CNBD1: variants seen among roughly 807,000 people sequenced by gnomAD.
CNBD1 encodes the protein cyclic nucleotide-binding domain-containing protein 1.
In CNBD1, 71 loss-of-function variants were observed where a neutral mutation model predicts 54.4. That is an observed-to-expected ratio of 1.30 (90% CI 1.08 to 1.59). CNBD1 has a LOEUF of 1.59. CNBD1 is among the 40% of genes most tolerant of loss of function. CNBD1 has a pLI of 0.00. For missense variants in CNBD1, 659 were observed against 518.0 expected (o/e 1.27, Z -2.64); for synonymous variants, 182 against 170.7 (o/e 1.07, Z -0.51).
At chr8:87,395,702 AATGCAACACAG>A (rs1357403937) in intron 2 of CNBD1, among the ~76,000 whole-genome samples, 1 of 151,870 alleles carries the variant, frequency 6.6e-6, no homozygotes, top group Non-Finnish European at 1.5e-5. Context: ...CATAGAGGTT[AATGCAACACAG>A]ATGATATGGT....
chr8:87,131,023 G>T (rs1353540703), intron 4 of CNBD1, among the ~76,000 whole-genome samples: 1 of 151,510 alleles, frequency 6.6e-6, no homozygotes, highest in African/African-American at 2.4e-5. Context: ...TTCTTACCCG[G>T]TTTACATAAT....
At chr8:87,321,565 A>T (rs992683455) in intron 8 of CNBD1, among the ~76,000 whole-genome samples, 5 of 152,078 alleles carry the variant, frequency 3.3e-5, no homozygotes, top group African/African-American at 1.2e-4. Flanking sequence ...TGAGTTATAG[A>T]TGTTCCTTAT....
At position 87,148,498 on chromosome 8, in the gene CNBD1, A is replaced by G. The variant is rs57223443; in HGVS notation, c.432-57495A>G. Reference sequence around the variant, plus strand: ...CAAATGGGTTAATGACTTTTCTGGCAAGATATAACTATGAAGAGGCAGAAT... The same window carrying G: ...CAAATGGGTTAATGACTTTTCTGGCGAGATATAACTATGAAGAGGCAGAAT... On this transcript the variant is annotated intron_variant, in intron 4 of 10. Coordinates refer to ENST00000518476, the MANE Select transcript of CNBD1 (RefSeq NM_173538.3). 4.8e-3 allele frequency among the ~76,000 whole-genome samples: 725 copies of G among 152,326 alleles called. 8 individuals carry two copies. Among genetic ancestry groups the G allele is most frequent in the African/African-American group, 0.017 (690 of 41,572 alleles).
intron 8 of CNBD1, among the ~76,000 whole-genome samples, chr8:87,335,592 G>C (rs182145719): frequency 6.6e-6 from 1 of 151,650 alleles, no homozygotes; most frequent in African/African-American, 2.4e-5. Flanking sequence ...TTGAGCCTAC[G>C]TGTGTCTTTG....
chr8:87,241,377 T>C (rs111303183), intron 6 of CNBD1, among the ~76,000 whole-genome samples: 12,166 of 150,126 alleles, frequency 0.081, 639 homozygotes, highest in African/African-American at 0.15. Context: ...TTCACGTCAT[T>C]CTCCTGCTTC....
chr8:87,221,896 T>C (rs1814346924), intron 5 of CNBD1, among the ~76,000 whole-genome samples: 1 of 152,156 alleles, frequency 6.6e-6, no homozygotes, highest in Non-Finnish European at 1.5e-5. Context: ...TATTGCATTA[T>C]TCTAAGCGAG....
At chr8:87,098,620 T>C (rs1811362860) in intron 4 of CNBD1, among the ~76,000 whole-genome samples, 1 of 151,982 alleles carries the variant, frequency 6.6e-6, no homozygotes. Context: ...GTTTGGACTA[T>C]ATCCAAAGAT....
intron 4 of CNBD1, among the ~76,000 whole-genome samples, chr8:86,986,743 A>G (rs1191127816): frequency 6.6e-6 from 1 of 152,154 alleles, no homozygotes. Flanking sequence ...ATAGCGAGTT[A>G]TTCCAGCACC....
chr8:86,984,988 C>T (rs1808574475), intron 4 of CNBD1, among the ~76,000 whole-genome samples: 1 of 151,940 alleles, frequency 6.6e-6, no homozygotes, highest in South Asian at 2.1e-4. Flanking sequence ...TGGCTGTGTC[C>T]CCATCCAAAT....
rs1813371162 is a variant in CNBD1, at chr8:87,182,309, A to C, written c.432-23684A>C. ...TCCAGTTTACCATTGATGGGTATTTAGGTTGATTCCATGTCTTTGCTACTG... is the reference window on the plus strand; with the variant it reads ...TCCAGTTTACCATTGATGGGTATTTCGGTTGATTCCATGTCTTTGCTACTG... On this transcript the variant is annotated intron_variant, in intron 4 of 10. Coordinates refer to ENST00000518476, the MANE Select transcript of CNBD1 (RefSeq NM_173538.3). This position sits in a 1 kb window ranked among gnomAD's most constrained non-coding sequence, Gnocchi z 4.1. Among the ~76,000 whole-genome samples, 1 of 152,030 alleles carries C rather than the reference A, an allele frequency of 6.6e-6. No homozygotes were observed. Among genetic ancestry groups the C allele is most frequent in the African/African-American group, 2.4e-5 (1 of 41,418 alleles).
chr8:86,909,036 G>T (rs546128034), intron 3 of CNBD1, among the ~76,000 whole-genome samples: 1 of 152,100 alleles, frequency 6.6e-6, no homozygotes, highest in Non-Finnish European at 1.5e-5. Context: ...GATTACAGGC[G>T]TGAGCCACTG....
chr8:87,177,870 A>G (rs1387347189), intron 4 of CNBD1, among the ~76,000 whole-genome samples: 1 of 152,224 alleles, frequency 6.6e-6, no homozygotes, highest in Non-Finnish European at 1.5e-5. Flanking sequence ...GAAGAAAGCT[A>G]TGAGGAGAAT....
chr8:86,953,814 C>G (rs1270831562), intron 4 of CNBD1, among the ~76,000 whole-genome samples: 1 of 151,742 alleles, frequency 6.6e-6, no homozygotes, highest in Non-Finnish European at 1.5e-5. Context: ...TTGCAGTGAG[C>G]CAAGATCGTG....
intron 4 of CNBD1, among the ~76,000 whole-genome samples, chr8:87,178,999 C>G (rs1327447767): frequency 1.3e-5 from 2 of 152,152 alleles, no homozygotes; most frequent in African/African-American, 4.8e-5. Flanking sequence ...CCTCTGCCTC[C>G]TGGGTTCAAG....
At chr8:86,927,520 T>C (rs1344298488) in intron 3 of CNBD1, among the ~76,000 whole-genome samples, 5 of 152,036 alleles carry the variant, frequency 3.3e-5, no homozygotes, top group Admixed American at 3.3e-4. Context: ...AGGGTGTAAT[T>C]ACATTGATGG....
intron 4 of CNBD1, among the ~76,000 whole-genome samples, chr8:86,954,620 C>A (rs1035595966): frequency 1.3e-5 from 2 of 152,160 alleles, no homozygotes; most frequent in African/African-American, 4.8e-5. Context: ...TTTTACTCTC[C>A]TTACACACTT....
chr8:87,265,813 T>G (rs778901845), intron 6 of CNBD1, among the ~76,000 whole-genome samples: 1 of 152,150 alleles, frequency 6.6e-6, no homozygotes, highest in Non-Finnish European at 1.5e-5. Flanking sequence ...TATTGTCTAT[T>G]ACAGAAGAAG....
chr8:87,184,452 A>G (rs1813431545), intron 4 of CNBD1, among the ~76,000 whole-genome samples: 1 of 152,142 alleles, frequency 6.6e-6, no homozygotes, highest in Non-Finnish European at 1.5e-5. Flanking sequence ...GTGGACACCC[A>G]TGACAGTGCT....
chr8:86,960,482 C>T (rs958762574), intron 4 of CNBD1, among the ~76,000 whole-genome samples: 8 of 151,976 alleles, frequency 5.3e-5, no homozygotes, highest in South Asian at 2.1e-4. Flanking sequence ...ACAAAGTGGC[C>T]GGGAAGCTTG....
Sources: gnomAD v4.1 joint callset for allele counts (sites outside exome capture counted in the v4.1 genomes callset) on GRCh38, gnomAD v4.1.1 for gene constraint, Gnocchi (gnomAD v3.1) non-coding constraint, MANE v1.5 for transcripts, NCBI Gene and HGNC (gene_info 2026-07-23, HGNC 2026-07-21) for gene names.